The following RASGEF1A variants were observed in gnomAD, a reference collection of about 807,000 sequenced individuals.
The protein encoded by RASGEF1A is ras-GEF domain-containing family member 1A.
In RASGEF1A, 18 loss-of-function variants were observed where a neutral mutation model predicts 56.4. That is an observed-to-expected ratio of 0.32 (90% CI 0.22 to 0.47). RASGEF1A has a LOEUF of 0.47. Among genes scored for constraint, RASGEF1A ranks in the 20% least tolerant of loss-of-function variants. The pLI is 1.00. For synonymous variants in RASGEF1A, 245 were observed against 242.6 expected, an observed-to-expected ratio of 1.01 and a Z score of -0.09; for missense variants, 422 against 627.1, an observed-to-expected ratio of 0.67 and a Z score of 3.49.
rs1308975797 is a variant in RASGEF1A, at chr10:43,205,907, C to T, written c.198+12G>A. ...CCCATTAGTCTCACTCCACAAGGCC[C>T]CACGTACTCACATCGGGGTAATAGT... is the stretch of plus-strand genomic sequence containing the variant. On this transcript the variant is annotated intron_variant, in intron 2 of 12. Transcript: ENST00000395810. The T allele has an allele frequency of 2.5e-6, 4 of 1,607,554 alleles. No individual in the cohort carries two copies. The highest frequency in any genetic ancestry group is 3.3e-5 in the Admixed American group (2 of 59,968).
rs1839865848 is a variant in RASGEF1A at position 43,199,866 on chromosome 10, G to A, written c.757-98C>T. The A allele has an allele frequency of 2.3e-5, 23 of 991,214 alleles. No homozygotes were observed. In the Admixed American group the frequency reaches 4.3e-4, roughly 19 times the overall value. 61.4% of individuals were successfully genotyped at this position (991,214 alleles called of 1,614,324 possible). A position where few individuals can be genotyped will look rare whatever the true frequency, so the allele number is the denominator to read the frequency against. ...CTGGTCCCCAGCTATGGCTCAGCCT[G>A]CACCGCAGCAGCCTCAATCATGCCT... On this transcript the variant is annotated intron_variant, in intron 6 of 12. Coordinates refer to ENST00000395810, the MANE Select transcript of RASGEF1A (RefSeq NM_145313.4).
rs534869777 is a variant in RASGEF1A, at chr10:43,212,464, G to A, written c.-6-6342C>T. On this transcript the variant is annotated intron_variant, in intron 1 of 12. Transcript: ENST00000395810. ...TGCTGATGGCGCCAAAGTGCCAGGA[G>A]GGGAGAGGCCAGGAGCCTGCATCCA... Among the ~76,000 whole-genome samples, 4 of 152,356 alleles carry A rather than the reference G, an allele frequency of 2.6e-5. No individual in the cohort carries two copies. In the East Asian group the frequency reaches 7.7e-4, roughly 29 times the overall value.
Position 43,201,818 on chromosome 10 carries a change from T to G in RASGEF1A, c.449A>C (p.Gln150Pro). ...CCAGGGAGCACTCACCTCATCACACTGGGTGACACGGTGTGTGATGGCTTT... is the reference window on the plus strand; with the variant it reads ...CCAGGGAGCACTCACCTCATCACACGGGGTGACACGGTGTGTGATGGCTTT... The part of the protein sequence containing the change: ...ELKAITHRVT[Q>P]CDEENGTVKK... Residue 150 changes from glutamine (Q) to proline (P), a missense_variant, in exon 4 of 13, where the codon CAG becomes CCG. This residue lies in a region of RASGEF1A where 273 missense variants were observed against 339.9 expected (regional missense o/e 0.80). Coordinates refer to ENST00000395810, the MANE Select transcript of RASGEF1A (RefSeq NM_145313.4). 1 of 1,598,862 alleles carries G rather than the reference T, an allele frequency of 6.3e-7. No homozygotes were observed. Among genetic ancestry groups the G allele is most frequent in the Non-Finnish European group, 8.6e-7 (1 of 1,169,258 alleles).
chr10:43,254,705 C>T (rs1029728717), intron 1 of RASGEF1A, among the ~76,000 whole-genome samples: 1 of 152,138 alleles, frequency 6.6e-6, no homozygotes, highest in Non-Finnish European at 1.5e-5. Context: ...TGGTCACAGG[C>T]AAGGATGGAA....
At chr10:43,243,412 C>T (rs190322466) in intron 1 of RASGEF1A, among the ~76,000 whole-genome samples, 413 of 149,244 alleles carry the variant, frequency 2.8e-3, no homozygotes, top group African/African-American at 9.5e-3. Context: ...CTGGCCACCC[C>T]GCCTGGGAAG....
At chr10:43,238,729 G>A (rs978450161) in intron 1 of RASGEF1A, among the ~76,000 whole-genome samples, 1 of 152,198 alleles carries the variant, frequency 6.6e-6, no homozygotes, top group African/African-American at 2.4e-5. Context: ...ATCAGGGTCA[G>A]GCTGGTAGGG....
chr10:43,254,837 AGACAG>A (rs996924799), intron 1 of RASGEF1A, among the ~76,000 whole-genome samples: 6 of 152,136 alleles, frequency 3.9e-5, no homozygotes, highest in African/African-American at 1.4e-4. Flanking sequence ...GGAACAAAGG[AGACAG>A]TCCCTTTATG....
chr10:43,252,411 G>A (rs760818741), intron 1 of RASGEF1A, among the ~76,000 whole-genome samples: 1 of 152,070 alleles, frequency 6.6e-6, no homozygotes, highest in African/African-American at 2.4e-5. Flanking sequence ...GAGTTGGAAG[G>A]CAGGGAGGAA....
In RASGEF1A at chr10:43,223,938, T is replaced by C. The variant is rs140664893; in HGVS notation, c.-6-17816A>G. Among the ~76,000 whole-genome samples, 179 of 152,304 alleles carry C rather than the reference T, an allele frequency of 1.2e-3. 2 individuals carry two copies. Among genetic ancestry groups the C allele is most frequent in the Middle Eastern group, 6.8e-3 (2 of 294 alleles). On this transcript the variant is annotated intron_variant, in intron 1 of 12. Coordinates refer to ENST00000395810, the MANE Select transcript of RASGEF1A (RefSeq NM_145313.4). ...AAAAGGGAATCTAACTCCAGATATG[T>C]AGAAGAAAGTTTAAAACAAACAACT...
intron 1 of RASGEF1A, among the ~76,000 whole-genome samples, chr10:43,258,224 T>C (rs575411935): frequency 5.9e-5 from 9 of 152,168 alleles, no homozygotes; most frequent in Non-Finnish European, 5.9e-5. Context: ...TTTAACTCAA[T>C]TTTGCAGCCT....
chr10:43,216,985 T>C (rs1840145681), intron 1 of RASGEF1A, among the ~76,000 whole-genome samples: 2 of 152,150 alleles, frequency 1.3e-5, no homozygotes, highest in Admixed American at 1.3e-4. Flanking sequence ...CTTCTGACCC[T>C]GCCAGTCCAG....
rs1442908682 is a variant in RASGEF1A, at chr10:43,196,903, C to A, written c.1348+73G>T. 2.5e-6 allele frequency: 4 copies of A among 1,576,680 alleles called. No individual in the cohort carries two copies. The highest frequency in any genetic ancestry group is 1.7e-5 in the Admixed American group (1 of 57,942). On this transcript the variant is annotated intron_variant, in intron 11 of 12. Coordinates refer to ENST00000395810, the MANE Select transcript of RASGEF1A (RefSeq NM_145313.4). This position sits in a 1 kb window ranked among gnomAD's most constrained non-coding sequence, Gnocchi z 4.6. The stretch of plus-strand genomic sequence containing the variant: ...CCAGCAGGCCATCTCCCAGGGCAAC[C>A]CCAAAGAGCACCGGGCCTGGACAAG...
At chr10:43,221,163 T>C (rs1052342568) in intron 1 of RASGEF1A, among the ~76,000 whole-genome samples, 2 of 152,174 alleles carry the variant, frequency 1.3e-5, no homozygotes, top group Non-Finnish European at 2.9e-5. Context: ...ACTTGGACCC[T>C]GGGCAATCAG....
At chr10:43,253,864 CT>C (rs1840654931) in intron 1 of RASGEF1A, among the ~76,000 whole-genome samples, 1 of 152,362 alleles carries the variant, frequency 6.6e-6, no homozygotes, top group African/African-American at 2.4e-5. Context: ...ATCTGTGGGA[CT>C]TTTTTGCAGC....
intron 1 of RASGEF1A, among the ~76,000 whole-genome samples, chr10:43,228,111 C>T (rs74135476): frequency 0.017 from 2,585 of 152,272 alleles, 86 homozygotes; most frequent in African/African-American, 0.059. Flanking sequence ...CCCCCAGCCA[C>T]GCCACCTCGC....
At chr10:43,238,761 C>T (rs958115904) in intron 1 of RASGEF1A, among the ~76,000 whole-genome samples, 1 of 152,190 alleles carries the variant, frequency 6.6e-6, no homozygotes, top group Non-Finnish European at 1.5e-5. Context: ...CAATGCATCT[C>T]AGGGAGTCCT....
At chr10:43,262,821 C>T (rs944814613) in intron 1 of RASGEF1A, among the ~76,000 whole-genome samples, 2 of 152,220 alleles carry the variant, frequency 1.3e-5, no homozygotes, top group African/African-American at 4.8e-5. Context: ...AAGGAGGCCA[C>T]TGCAAATGTC....
At chr10:43,208,001 T>C in intron 1 of RASGEF1A, 2 of 962,576 alleles carry the variant, frequency 2.1e-6, no homozygotes, top group Non-Finnish European at 2.5e-6. Context: ...CATTCACCTG[T>C]GTATCCTATC....
intron 1 of RASGEF1A, among the ~76,000 whole-genome samples, chr10:43,256,086 G>A (rs1243347668): frequency 6.6e-6 from 1 of 152,200 alleles, no homozygotes; most frequent in African/African-American, 2.4e-5. Context: ...GGGGAGCACT[G>A]TGCAGGAGGA....
Sources: gnomAD v4.1 joint callset for allele counts (sites outside exome capture counted in the v4.1 genomes callset) on GRCh38, gnomAD v4.1.1 for gene constraint, gnomAD v4.1.1 regional missense constraint, Gnocchi (gnomAD v3.1) non-coding constraint, MANE v1.5 for transcripts, NCBI Gene and HGNC (gene_info 2026-07-23, HGNC 2026-07-21) for gene names.